Variants in RSF1 observed in about 807,000 individuals in gnomAD.
RSF1 encodes remodeling and spacing factor 1, also known as HBV pX-associated protein 8.
A neutral mutation model predicts 145.2 loss-of-function variants in RSF1; 13 were observed. The observed-to-expected ratio is 0.09, with a 90% CI of 0.06 to 0.14. RSF1 has a LOEUF of 0.14. RSF1 is among the 10% of genes least tolerant of loss of function. The probability of loss-of-function intolerance (pLI) is 1.00; values close to 1 mark genes in which losing one functional copy is unlikely to be tolerated. For missense variants in RSF1, 1,517 were observed against 1,718.2 expected, an observed-to-expected ratio of 0.88 and a Z score of 2.07; for synonymous variants, 577 against 592.6, an observed-to-expected ratio of 0.97 and a Z score of 0.38.
chr11:77,679,739 T>A (rs1391523398), intron 11 of RSF1, among the ~76,000 whole-genome samples: 2 of 151,032 alleles, frequency 1.3e-5, no homozygotes, highest in African/African-American at 4.9e-5. Context: ...CTATTGAAAA[T>A]TATATTATAA....
intron 1 of RSF1, among the ~76,000 whole-genome samples, chr11:77,795,947 G>A (rs1252324168): frequency 3.9e-5 from 6 of 152,160 alleles, no homozygotes; most frequent in Admixed American, 3.9e-4. Context: ...AGAGGTGTAT[G>A]TGTCCAGGAA....
At chr11:77,829,243 G>C in the RSF1 span, among the ~76,000 whole-genome samples, 9 of 152,178 alleles carry the variant, frequency 5.9e-5, no homozygotes, top group Admixed American at 2.6e-4. Context: ...AAGACACAGA[G>C]AGATGGCAGA....
In RSF1 at chr11:77,664,886, T is replaced by G. The variant is rs187936793; in HGVS notation, c.*2031A>C. On this transcript the variant is annotated 3_prime_UTR_variant, in exon 16 of 16. Coordinates refer to ENST00000308488, the MANE Select transcript of RSF1 (RefSeq NM_016578.4). ...TGTGAATGTAAGCCCTTCCCTCCCTTCCAGTGGAACACTGTCTCAAAATAA... is the reference window on the plus strand; with the variant it reads ...TGTGAATGTAAGCCCTTCCCTCCCTGCCAGTGGAACACTGTCTCAAAATAA... 8.5e-5 allele frequency: 13 copies of G among 152,324 alleles called. No individual in the cohort carries two copies. Among genetic ancestry groups the G allele is most frequent in the Admixed American group, 8.5e-4 (13 of 15,298 alleles). The allele number at this position is 152,324 out of a possible 1,614,324, so 9.4% of individuals were successfully genotyped here. A position where few individuals can be genotyped will look rare whatever the true frequency, so the allele number is the denominator to read the frequency against.
Position 77,695,939 on chromosome 11 carries a change from T to G in RSF1, c.2716-2328A>C, listed in dbSNP as rs75768131. Among the ~76,000 whole-genome samples the G allele has an allele frequency of 3.3e-5, 5 of 152,330 alleles. No individual in the cohort carries two copies. In the East Asian group the frequency reaches 9.6e-4, roughly 29 times the overall value. ...TATTATTTACACTTTATTTATTTGC[T>G]CAACCCTAGTATAGATGAAGTTTCT... is the stretch of plus-strand genomic sequence containing the variant. On this transcript the variant is annotated intron_variant, in intron 7 of 15. Transcript: ENST00000308488.
intron 1 of RSF1, among the ~76,000 whole-genome samples, chr11:77,798,991 C>T (rs1318994150): frequency 6.7e-6 from 1 of 149,478 alleles, no homozygotes; most frequent in Admixed American, 6.7e-5. Flanking sequence ...AAAAAGAGCC[C>T]AAAAGCCTTG....
chr11:77,852,298 C>T, the RSF1 span, among the ~76,000 whole-genome samples: 54,934 of 147,838 alleles, frequency 0.37, 10,532 homozygotes, highest in African/African-American at 0.42. Context: ...AATTAATGAT[C>T]ATTTTTAATG....
intron 14 of RSF1, among the ~76,000 whole-genome samples, chr11:77,673,557 G>C (rs898087732): frequency 6.6e-6 from 1 of 152,148 alleles, no homozygotes; most frequent in Non-Finnish European, 1.5e-5. Context: ...AGTTTACACT[G>C]TCATAAATAA....
intron 4 of RSF1, among the ~76,000 whole-genome samples, chr11:77,726,762 G>A (rs887214004): frequency 6.6e-6 from 1 of 151,968 alleles, no homozygotes; most frequent in Non-Finnish European, 1.5e-5. Context: ...GAAATGACTC[G>A]TTTTCTTATC....
chr11:77,827,544 A>G, the RSF1 span, among the ~76,000 whole-genome samples: 2 of 152,236 alleles, frequency 1.3e-5, no homozygotes, highest in Non-Finnish European at 2.9e-5. Context: ...AGTCATCTCA[A>G]TAGATGCAGA....
intron 7 of RSF1, among the ~76,000 whole-genome samples, chr11:77,696,094 T>C (rs1169810953): frequency 2.0e-5 from 3 of 152,210 alleles, no homozygotes; most frequent in Admixed American, 6.5e-5. Flanking sequence ...GTTGATTACA[T>C]TGGCACATGT....
the RSF1 span, among the ~76,000 whole-genome samples, chr11:77,858,841 T>C: frequency 6.6e-6 from 1 of 152,202 alleles, no homozygotes; most frequent in East Asian, 1.9e-4. Flanking sequence ...GGGACTCCAT[T>C]TGAAGAACGA....
chr11:77,673,577 TGGA>T (rs1215660089), intron 14 of RSF1, among the ~76,000 whole-genome samples: 3 of 151,988 alleles, frequency 2.0e-5, no homozygotes, highest in Non-Finnish European at 2.9e-5. Flanking sequence ...AACAAACATA[TGGA>T]GGAGAAGGGA....
the RSF1 span, among the ~76,000 whole-genome samples, chr11:77,857,701 T>C: frequency 2.4e-4 from 35 of 148,224 alleles, 1 homozygote; most frequent in South Asian, 7.3e-3. Context: ...ACTAAGTTGT[T>C]TTTTTTTTTT....
At chr11:77,832,781 T>A in the RSF1 span, among the ~76,000 whole-genome samples, 1 of 151,668 alleles carries the variant, frequency 6.6e-6, no homozygotes, top group Non-Finnish European at 1.5e-5. Context: ...CTTATAGTGA[T>A]GTTGTCAAAG....
At chr11:77,852,239 A>AAAAAAAAAAAAAAAAG in the RSF1 span, among the ~76,000 whole-genome samples, 2 of 133,828 alleles carry the variant, frequency 1.5e-5, no homozygotes, top group East Asian at 2.1e-4. Context: ...AAAAAAAAAA[A>AAAAAAAAAAAAAAAAG]AAGAAGAAGA....
At chr11:77,755,602 T>C (rs1372449173) in intron 2 of RSF1, among the ~76,000 whole-genome samples, 2 of 150,936 alleles carry the variant, frequency 1.3e-5, no homozygotes, top group Non-Finnish European at 3.0e-5. Context: ...TTTTTTGAGA[T>C]AGAGTCTTGC....
intron 1 of RSF1, among the ~76,000 whole-genome samples, chr11:77,818,407 G>A (rs1331781408): frequency 6.6e-6 from 1 of 152,108 alleles, no homozygotes; most frequent in Non-Finnish European, 1.5e-5. Context: ...TTCGTTCTCT[G>A]AGAGATACAT....
intron 1 of RSF1, among the ~76,000 whole-genome samples, chr11:77,776,610 T>C (rs1012019474): frequency 1.3e-5 from 2 of 152,172 alleles, no homozygotes; most frequent in Non-Finnish European, 2.9e-5. Context: ...CATAAAGCAA[T>C]ACCCAAGCCA....
intron 1 of RSF1, among the ~76,000 whole-genome samples, chr11:77,790,674 C>T (rs1414041353): frequency 3.3e-5 from 5 of 152,170 alleles, no homozygotes; most frequent in Non-Finnish European, 7.3e-5. Flanking sequence ...TTGATAAATA[C>T]AGCCATTCCA....
Sources: gnomAD v4.1 joint callset for allele counts (sites outside exome capture counted in the v4.1 genomes callset) on GRCh38, gnomAD v4.1.1 for gene constraint, MANE v1.5 for transcripts, NCBI Gene and HGNC (gene_info 2026-07-23, HGNC 2026-07-21) for gene names.